EML5: variants seen among roughly 807,000 people sequenced by gnomAD.
EML5 encodes echinoderm microtubule-associated protein-like 5.
EML5 carries 120 observed loss-of-function variants against 250.0 expected under a neutral mutation model. The observed-to-expected ratio is 0.48, with a 90% CI of 0.41 to 0.56. EML5 has a LOEUF of 0.56. EML5 is among the 20% of genes least tolerant of loss of function. The pLI, the probability that EML5 is intolerant of heterozygous loss-of-function variation, is 0.00. For synonymous variants in EML5, 771 were observed against 806.5 expected, an observed-to-expected ratio of 0.96 and a Z score of 0.75; for missense variants, 2,006 against 2,437.6, an observed-to-expected ratio of 0.82 and a Z score of 3.73.
intron 10 of EML5, among the ~76,000 whole-genome samples, chr14:88,710,335 A>G (rs1375687299): frequency 1.3e-5 from 2 of 152,196 alleles, no homozygotes; most frequent in Non-Finnish European, 2.9e-5. Context: ...ATGATTCTAT[A>G]ACATAAACTA....
intron 7 of EML5, among the ~76,000 whole-genome samples, chr14:88,728,395 T>C (rs1425920684): frequency 6.6e-6 from 1 of 152,172 alleles, no homozygotes; most frequent in Non-Finnish European, 1.5e-5. Context: ...AAAACTTAAC[T>C]ACTAGTAGCC....
chr14:88,694,214 G>A (rs2093025672), intron 17 of EML5, 93 bp downstream of exon 17: 1 of 757,118 alleles, frequency 1.3e-6, no homozygotes, highest in Non-Finnish European at 2.2e-6. Flanking sequence ...ATTCCAGGAT[G>A]CAGTCTAGGG....
At chr14:88,759,984 T>C (rs919028055) in intron 1 of EML5, among the ~76,000 whole-genome samples, 1 of 152,194 alleles carries the variant, frequency 6.6e-6, no homozygotes, top group Admixed American at 6.5e-5. Context: ...ATTGGTCTTA[T>C]AATGATCTGT....
intron 7 of EML5, among the ~76,000 whole-genome samples, chr14:88,729,759 C>T (rs1219545456): frequency 6.6e-6 from 1 of 151,898 alleles, no homozygotes; most frequent in Non-Finnish European, 1.5e-5. Context: ...CAGGGTTTTG[C>T]CATGTTGGCC....
chr14:88,631,339 G>A (rs896224606), intron 33 of EML5, among the ~76,000 whole-genome samples: 3 of 152,122 alleles, frequency 2.0e-5, no homozygotes, highest in Admixed American at 1.3e-4. Flanking sequence ...TCAACCTTCC[G>A]AGTAGCTGGA....
chr14:88,667,159 A>G (rs964916871), intron 21 of EML5, among the ~76,000 whole-genome samples: 15 of 152,312 alleles, frequency 9.8e-5, no homozygotes, highest in Admixed American at 2.0e-4. Flanking sequence ...AAAGATGCCT[A>G]TGAGAAGTTC....
intron 8 of EML5, among the ~76,000 whole-genome samples, chr14:88,719,223 A>G (rs2093552176): frequency 6.6e-6 from 1 of 152,052 alleles, no homozygotes; most frequent in Non-Finnish European, 1.5e-5. Context: ...CATCTCTACA[A>G]AAAATTAAAA....
chr14:88,644,932 G>A (rs548415436), intron 29 of EML5, among the ~76,000 whole-genome samples: 5 of 152,004 alleles, frequency 3.3e-5, no homozygotes, highest in African/African-American at 9.7e-5. Flanking sequence ...GGCTGGTCTC[G>A]ATCTCCTGAC....
intron 1 of EML5, among the ~76,000 whole-genome samples, chr14:88,762,429 G>A (rs2094257909): frequency 6.6e-6 from 1 of 151,988 alleles, no homozygotes; most frequent in Non-Finnish European, 1.5e-5. Flanking sequence ...AGAATCACTT[G>A]AACCCGGGAG....
intron 1 of EML5, 34 bp from the exon 2 acceptor site, chr14:88,754,705 T>A: frequency 6.5e-7 from 1 of 1,535,954 alleles, no homozygotes; most frequent in Non-Finnish European, 8.8e-7. Flanking sequence ...GTAGTATTAT[T>A]AAAAATTGCT....
intron 8 of EML5, among the ~76,000 whole-genome samples, chr14:88,718,462 C>G (rs1267489115): frequency 6.6e-6 from 1 of 151,936 alleles, no homozygotes; most frequent in Non-Finnish European, 1.5e-5. Context: ...GAGAGGTAAG[C>G]TGAAAACAGA....
rs77395384 is a variant in EML5 at position 88,735,510 on chromosome 14, C to T, written c.1049+854G>A. ...CATATTTTCAAATATAACAAGGTAT[C>T]ATTTTTCACCTTTTGGGATTATAAT... is the stretch of plus-strand genomic sequence containing the variant. On this transcript the variant is annotated intron_variant, in intron 7 of 43. Coordinates refer to ENST00000554922, the MANE Select transcript of EML5 (RefSeq NM_183387.3). Among the ~76,000 whole-genome samples, 172 of 152,246 alleles carry T rather than the reference C, an allele frequency of 1.1e-3. 2 individuals carry two copies. The East Asian group carries it at 0.028, about 25-fold the overall frequency.
intron 22 of EML5, 131 bp downstream of exon 22, chr14:88,665,206 G>A: frequency 3.1e-6 from 3 of 963,206 alleles, no homozygotes; most frequent in Non-Finnish European, 4.5e-6. Flanking sequence ...TTTACCTCTT[G>A]CTACACTGCC....
At chr14:88,667,557 T>C (rs1283562689) in intron 21 of EML5, among the ~76,000 whole-genome samples, 4 of 152,198 alleles carry the variant, frequency 2.6e-5, no homozygotes, top group Admixed American at 6.5e-5. Flanking sequence ...AGGGGAAGAC[T>C]GTGCTGGTTA....
chr14:88,768,933 A>C (rs1211363993), intron 1 of EML5, among the ~76,000 whole-genome samples: 1 of 152,154 alleles, frequency 6.6e-6, no homozygotes, highest in Non-Finnish European at 1.5e-5. Flanking sequence ...ACAACTACTC[A>C]ACTGGGTTAT....
At chr14:88,622,920 T>G (rs1404314501) in intron 36 of EML5, 2 of 419,022 alleles carry the variant, frequency 4.8e-6, no homozygotes, top group African/African-American at 4.1e-5. Flanking sequence ...CCAGTTTCAG[T>G]GAATTTTATT....
intron 29 of EML5, 114 bp downstream of exon 29, chr14:88,646,833 A>C (rs12891429): frequency 0.1 from 114,250 of 1,096,786 alleles, 6,657 homozygotes; most frequent in Non-Finnish European, 0.12. Context: ...AAAAATGTGC[A>C]AAACTGTGAA....
At chr14:88,702,911 TG>T (rs1358708240) in intron 13 of EML5, among the ~76,000 whole-genome samples, 1 of 152,136 alleles carries the variant, frequency 6.6e-6, no homozygotes, top group Admixed American at 6.5e-5. Flanking sequence ...TGCGCCACCA[TG>T]CCTGGCTAAT....
At chr14:88,788,536 T>TAA (rs36066768) in intron 1 of EML5, among the ~76,000 whole-genome samples, 6 of 142,408 alleles carry the variant, frequency 4.2e-5, no homozygotes, top group East Asian at 2.0e-4. Flanking sequence ...TTCACTATGT[T>TAA]AAAAAAAAAA....
Sources: gnomAD v4.1 joint callset for allele counts (sites outside exome capture counted in the v4.1 genomes callset) on GRCh38, gnomAD v4.1.1 for gene constraint, MANE v1.5 for transcripts, NCBI Gene and HGNC (gene_info 2026-07-23, HGNC 2026-07-21) for gene names.